Variants in TBL1XR1 observed in about 807,000 individuals in gnomAD.
The protein encoded by TBL1XR1 is TBL1X/Y related 1.
Under a neutral mutation model 66.9 loss-of-function variants are expected in TBL1XR1, and 5 were observed. The observed-to-expected ratio is 0.07, with a 90% CI of 0.04 to 0.16. The LOEUF is 0.16. TBL1XR1 is among the 10% of genes least tolerant of loss of function. TBL1XR1 has a pLI of 1.00. For synonymous variants in TBL1XR1, 210 were observed against 206.0 expected, an observed-to-expected ratio of 1.02 and a Z score of -0.17; for missense variants, 238 against 623.2, an observed-to-expected ratio of 0.38 and a Z score of 6.58.
chr3:177,123,879 A>T (rs1274010106), intron 1 of TBL1XR1, among the ~76,000 whole-genome samples: 4 of 152,084 alleles, frequency 2.6e-5, no homozygotes, highest in Non-Finnish European at 4.4e-5. Flanking sequence ...AAGGATGACA[A>T]AGAAATTCCA....
intron 1 of TBL1XR1, among the ~76,000 whole-genome samples, chr3:177,116,335 C>A (rs541039285): frequency 1.3e-5 from 2 of 152,284 alleles, no homozygotes; most frequent in East Asian, 3.9e-4. Context: ...GTCACCCAAA[C>A]TAGAGATATG....
intron 2 of TBL1XR1, among the ~76,000 whole-genome samples, chr3:177,077,941 T>TAC (rs1307926536): frequency 6.6e-6 from 1 of 152,218 alleles, no homozygotes; most frequent in Non-Finnish European, 1.5e-5. Flanking sequence ...ATTAAGGCAT[T>TAC]ACATCAAGTC....
At chr3:177,175,684 C>G (rs1383575172) in intron 1 of TBL1XR1, among the ~76,000 whole-genome samples, 1 of 152,126 alleles carries the variant, frequency 6.6e-6, no homozygotes, top group Non-Finnish European at 1.5e-5. Flanking sequence ...AATCCAGAAA[C>G]AAATATCTTA....
At chr3:177,130,363 C>G (rs1169465334) in intron 1 of TBL1XR1, among the ~76,000 whole-genome samples, 1 of 151,986 alleles carries the variant, frequency 6.6e-6, no homozygotes, top group African/African-American at 2.4e-5. Flanking sequence ...AAGTATTATT[C>G]AGTCAAAAAC....
intron 14 of TBL1XR1, among the ~76,000 whole-genome samples, chr3:177,031,435 G>A (rs1713990585): frequency 6.6e-6 from 1 of 151,290 alleles, no homozygotes; most frequent in African/African-American, 2.4e-5. Context: ...CTGGGTTCAA[G>A]CAATTCTCCT....
chr3:177,174,969 A>G (rs1425253068), intron 1 of TBL1XR1, among the ~76,000 whole-genome samples: 2 of 152,220 alleles, frequency 1.3e-5, no homozygotes, highest in African/African-American at 4.8e-5. Flanking sequence ...CTCATCATTT[A>G]CCAACTTAAA....
intron 1 of TBL1XR1, among the ~76,000 whole-genome samples, chr3:177,115,057 C>T (rs1795229): frequency 0.51 from 77,424 of 151,760 alleles, 20,135 homozygotes; most frequent in East Asian, 0.73. Flanking sequence ...AGGCGGTCTA[C>T]ATCCATATTG....
At chr3:177,157,591 C>A (rs1160593822) in intron 1 of TBL1XR1, among the ~76,000 whole-genome samples, 1 of 152,186 alleles carries the variant, frequency 6.6e-6, no homozygotes, top group Admixed American at 6.5e-5. Context: ...CTCTTAATCA[C>A]ATGTGTAAAA....
intron 1 of TBL1XR1, among the ~76,000 whole-genome samples, chr3:177,152,926 A>G (rs1247576253): frequency 6.6e-6 from 1 of 152,110 alleles, no homozygotes; most frequent in East Asian, 1.9e-4. Flanking sequence ...GGATCACTTG[A>G]GGTCAGGAGT....
At chr3:177,116,814 G>C (rs138694115) in intron 1 of TBL1XR1, among the ~76,000 whole-genome samples, 285 of 152,206 alleles carry the variant, frequency 1.9e-3, no homozygotes, top group Middle Eastern at 0.014. Flanking sequence ...ATAGTACCTG[G>C]GAAATAAAAA....
intron 1 of TBL1XR1, among the ~76,000 whole-genome samples, chr3:177,108,213 C>T (rs995665737): frequency 5.3e-5 from 8 of 152,090 alleles, no homozygotes; most frequent in Admixed American, 2.6e-4. Context: ...ACTATTTAAA[C>T]ACTGCCTACT....
chr3:177,173,090 G>A (rs1429503442), intron 1 of TBL1XR1, among the ~76,000 whole-genome samples: 1 of 152,154 alleles, frequency 6.6e-6, no homozygotes, highest in African/African-American at 2.4e-5. Context: ...CGCAGTCTGA[G>A]GCAGGAGAAT....
chr3:177,116,075 T>C (rs941100221), intron 1 of TBL1XR1, among the ~76,000 whole-genome samples: 4 of 152,180 alleles, frequency 2.6e-5, no homozygotes, highest in Non-Finnish European at 4.4e-5. Flanking sequence ...ACCCAGGCAA[T>C]AAACCTGATG....
chr3:177,098,755 C>T (rs1577159762), intron 1 of TBL1XR1, among the ~76,000 whole-genome samples: 1 of 152,154 alleles, frequency 6.6e-6, no homozygotes, highest in East Asian at 1.9e-4. Context: ...GAGGTTGGCA[C>T]AGTGAACAAA....
intron 1 of TBL1XR1, among the ~76,000 whole-genome samples, chr3:177,166,868 G>C (rs186779543): frequency 6.6e-6 from 1 of 152,304 alleles, no homozygotes; most frequent in Non-Finnish European, 1.5e-5. Context: ...TGAAGATGTG[G>C]AGCAAGAGGA....
intron 1 of TBL1XR1, among the ~76,000 whole-genome samples, chr3:177,195,122 A>C (rs12486557): frequency 1.3e-5 from 2 of 151,618 alleles, no homozygotes; most frequent in Admixed American, 6.6e-5. Context: ...AACAACTCAA[A>C]CGTCAAAAAA....
chr3:177,181,891 G>T (rs1194044020), intron 1 of TBL1XR1, among the ~76,000 whole-genome samples: 2 of 151,378 alleles, frequency 1.3e-5, no homozygotes, highest in Non-Finnish European at 2.9e-5. Flanking sequence ...ATATCAGGAA[G>T]AAGTGGGCAA....
At chr3:177,125,917 TACC>T (rs995052193) in intron 1 of TBL1XR1, 5 of 152,348 alleles carry the variant, frequency 3.3e-5, no homozygotes, top group African/African-American at 7.2e-5. Context: ...TTGATACAGA[TACC>T]ACATTTCTTT....
At chr3:177,089,630 C>A (rs1722580814) in intron 2 of TBL1XR1, among the ~76,000 whole-genome samples, 1 of 152,130 alleles carries the variant, frequency 6.6e-6, no homozygotes, top group Non-Finnish European at 1.5e-5. Flanking sequence ...AAGAATCAAA[C>A]CTAAGAGAAC....
Sources: gnomAD v4.1 joint callset for allele counts (sites outside exome capture counted in the v4.1 genomes callset) on GRCh38, gnomAD v4.1.1 for gene constraint, MANE v1.5 for transcripts, NCBI Gene and HGNC (gene_info 2026-07-23, HGNC 2026-07-21) for gene names.